The following SRGAP3 variants were observed in gnomAD, a reference collection of about 807,000 sequenced individuals.
SRGAP3 encodes the protein SLIT-ROBO Rho GTPase activating protein 3, also known as SLIT-ROBO Rho GTPase-activating protein 3.
In SRGAP3, 39 loss-of-function variants were observed where a neutral mutation model predicts 121.1. That is an observed-to-expected ratio of 0.32 (90% CI 0.25 to 0.42). The LOEUF is 0.42. Among genes scored for constraint, SRGAP3 ranks in the 10% least tolerant of loss-of-function variants. The pLI is 1.00. For synonymous variants in SRGAP3, 601 were observed against 570.0 expected (o/e 1.05, Z -0.77); for missense variants, 1,213 against 1,470.6 (o/e 0.82, Z 2.86).
chr3:8,991,862 G>A (rs1230069682), intron 20 of SRGAP3, among the ~76,000 whole-genome samples: 1 of 152,182 alleles, frequency 6.6e-6, no homozygotes, highest in African/African-American at 2.4e-5. Flanking sequence ...CAAAGCATAG[G>A]TATTGGAAAG....
chr3:8,985,765 G>T lies in SRGAP3; in HGVS notation c.3054C>A (p.Ile1018=), dbSNP rs748159931. ...EPASPLHTIV[I]RDPDAAMRRS... ...GGCGCATGGCGGCATCGGGGTCGCG[G>T]ATGACGATGGTGTGAAGGGGACTGG... The change falls in exon 22 of 22, where the codon ATC becomes ATA. Residue 1018 remains isoleucine (I), a synonymous_variant. Transcript: ENST00000383836. This position sits in a 1 kb window ranked among gnomAD's most constrained non-coding sequence, Gnocchi z 5.1. 1 of 1,599,878 alleles carries T rather than the reference G, an allele frequency of 6.3e-7. No individual in the cohort carries two copies.
intron 3 of SRGAP3, among the ~76,000 whole-genome samples, chr3:9,285,867 G>A (rs1445463924): frequency 6.6e-6 from 1 of 152,078 alleles, no homozygotes; most frequent in Non-Finnish European, 1.5e-5. Context: ...CAGCATTTTG[G>A]GAGGCTGAGG....
chr3:9,212,088 G>A (rs941955165), intron 1 of SRGAP3, among the ~76,000 whole-genome samples: 9 of 152,152 alleles, frequency 5.9e-5, no homozygotes, highest in Non-Finnish European at 5.9e-5. Flanking sequence ...ATACAGAAAA[G>A]TATACTTAGT....
Position 9,319,977 on chromosome 3 carries a change from C to T in SRGAP3, n.442+6033G>A, listed in dbSNP as rs189187395. On this transcript the variant is annotated intron_variant and non_coding_transcript_variant, in intron 3 of 3. Transcript: ENST00000490889. ...TAGCAGCCTTCTTCTGAGAACAAAG[C>T]TGGTCTCATCCTTTTGAGGAACAAA... 8.5e-5 allele frequency among the ~76,000 whole-genome samples: 13 copies of T among 152,054 alleles called. No individual in the cohort carries two copies. The East Asian group carries it at 1.5e-3, about 18-fold the overall frequency.
chr3:9,034,913 T>C (rs1944673633), intron 11 of SRGAP3: 1 of 152,242 alleles, frequency 6.6e-6, no homozygotes, highest in Non-Finnish European at 1.5e-5. Flanking sequence ...GTGTTTGGCT[T>C]GTTTTTGAAC....
intron 1 of SRGAP3, among the ~76,000 whole-genome samples, chr3:9,358,685 C>A (rs2030644898): frequency 6.6e-6 from 1 of 152,234 alleles, no homozygotes. Context: ...GTCTCCAGAA[C>A]TTCTGACCAA....
At chr3:9,117,866 C>T (rs186908848) in intron 2 of SRGAP3, among the ~76,000 whole-genome samples, 93 of 152,208 alleles carry the variant, frequency 6.1e-4, no homozygotes, top group Non-Finnish European at 6.6e-4. Context: ...TGCCTATAAT[C>T]GCAGTGTTTT....
intron 3 of SRGAP3, among the ~76,000 whole-genome samples, chr3:9,259,977 C>G (rs1225411689): frequency 6.6e-6 from 1 of 151,684 alleles, no homozygotes. Context: ...CCTGGTTAGA[C>G]AGTGGGTACA....
At chr3:9,187,702 T>G (rs937019545) in intron 1 of SRGAP3, among the ~76,000 whole-genome samples, 3 of 152,186 alleles carry the variant, frequency 2.0e-5, no homozygotes, top group Non-Finnish European at 4.4e-5. Flanking sequence ...CTCTCTCTCC[T>G]GCCCTGCCTC....
At chr3:9,285,372 C>T (rs1448073444) in intron 3 of SRGAP3, among the ~76,000 whole-genome samples, 1 of 152,148 alleles carries the variant, frequency 6.6e-6, no homozygotes, top group Admixed American at 6.5e-5. Context: ...ACAGCAGAAG[C>T]AGGAAGGTCT....
intron 3 of SRGAP3, among the ~76,000 whole-genome samples, chr3:9,083,251 A>C (rs1051069599): frequency 3.9e-5 from 6 of 151,978 alleles, no homozygotes; most frequent in African/African-American, 1.2e-4. Context: ...CCAAGACCCT[A>C]TTTCTTATGT....
chr3:9,095,204 G>A (rs1268812325), intron 3 of SRGAP3, among the ~76,000 whole-genome samples: 1 of 151,716 alleles, frequency 6.6e-6, no homozygotes, highest in African/African-American at 2.4e-5. Flanking sequence ...TATTGATTCT[G>A]TGTATGCCAA....
At position 9,104,663 on chromosome 3, in the gene SRGAP3, G is replaced by A. The variant is rs1575079898; in HGVS notation, c.423+17C>T. On this transcript the variant is annotated intron_variant, in intron 3 of 21. Transcript: ENST00000383836. ...GGGGCAAAGACCTGGGACACGTAGA[G>A]CAGCCCACTTGCCTACCTTTTTGAA... 1.2e-6 allele frequency: 2 copies of A among 1,613,958 alleles called. No homozygotes were observed. Among genetic ancestry groups the A allele is most frequent in the Non-Finnish European group, 1.7e-6 (2 of 1,179,886 alleles).
At chr3:9,164,858 C>T (rs1318868446) in intron 1 of SRGAP3, among the ~76,000 whole-genome samples, 5 of 152,232 alleles carry the variant, frequency 3.3e-5, no homozygotes, top group Non-Finnish European at 7.3e-5. Context: ...GAGAAATCCT[C>T]CTTTTACAGA....
Position 9,249,236 on chromosome 3 carries a change from G to A in SRGAP3, c.-285C>T, listed in dbSNP as rs1278054977. On this transcript the variant is annotated 5_prime_UTR_variant, in exon 1 of 22. Transcript: ENST00000383836. The stretch of plus-strand genomic sequence containing the variant: ...CAGTAACCTGCCCCAGATTTTCAAA[G>A]ATTTTTCTTCCAAAAATAATAATAA... 1.9e-6 allele frequency: 1 copy of A among 517,102 alleles called. No homozygotes were observed. Among genetic ancestry groups the A allele is most frequent in the African/African-American group, 1.9e-5 (1 of 52,458 alleles). 32.0% of individuals were successfully genotyped at this position (517,102 alleles called of 1,614,324 possible). A position where few individuals can be genotyped will look rare whatever the true frequency, so the allele number is the denominator to read the frequency against.
At chr3:9,104,204 CAT>C (rs1461218091) in intron 3 of SRGAP3, among the ~76,000 whole-genome samples, 1 of 152,130 alleles carries the variant, frequency 6.6e-6, no homozygotes, top group Non-Finnish European at 1.5e-5. Context: ...GTAGTAAAAT[CAT>C]ATATGCATTA....
chr3:9,006,439 T>G (rs1241722986), intron 18 of SRGAP3, among the ~76,000 whole-genome samples: 1 of 150,394 alleles, frequency 6.6e-6, no homozygotes, highest in Admixed American at 6.6e-5. Flanking sequence ...TGGCTATGAC[T>G]CCACAACTGG....
intron 3 of SRGAP3, among the ~76,000 whole-genome samples, chr3:9,313,853 G>C (rs1367699344): frequency 6.6e-6 from 1 of 151,994 alleles, no homozygotes; most frequent in Non-Finnish European, 1.5e-5. Context: ...AATTAGCCGG[G>C]TGTGGTGGCA....
In SRGAP3 at chr3:9,049,340, G is replaced by A. The variant is rs371621690; in HGVS notation, c.1324-1865C>T. On this transcript the variant is annotated intron_variant, in intron 9 of 21. Coordinates refer to ENST00000383836, the MANE Select transcript of SRGAP3 (RefSeq NM_014850.4). The stretch of plus-strand genomic sequence containing the variant: ...CTTTTCCATGGTCCTAGGCTCCCAG[G>A]ACCTGGCCTATTGGCCATTAAGAGT... The A allele has an allele frequency of 2.6e-5, 12 of 454,970 alleles. No homozygotes were observed. The East Asian group carries it at 3.5e-4, about 13-fold the overall frequency. 28.2% of individuals were successfully genotyped at this position (454,970 alleles called of 1,614,324 possible). A position where few individuals can be genotyped will look rare whatever the true frequency, so the allele number is the denominator to read the frequency against.
Sources: gnomAD v4.1 joint callset for allele counts (sites outside exome capture counted in the v4.1 genomes callset) on GRCh38, gnomAD v4.1.1 for gene constraint, Gnocchi (gnomAD v3.1) non-coding constraint, MANE v1.5 for transcripts, NCBI Gene and HGNC (gene_info 2026-07-23, HGNC 2026-07-21) for gene names.